FAM107B: variants seen among roughly 807,000 people sequenced by gnomAD.
The protein encoded by FAM107B is protein FAM107B.
A neutral mutation model predicts 31.5 loss-of-function variants in FAM107B; 21 were observed. The observed-to-expected ratio is 0.67, with a 90% confidence interval of 0.47 to 0.96. The LOEUF is 0.96. Among genes scored for constraint, FAM107B ranks in the 40% least tolerant of loss-of-function variants. FAM107B has a pLI of 0.00. For synonymous variants in FAM107B, 157 were observed against 141.5 expected (o/e 1.11, Z -0.78); for missense variants, 452 against 377.1 (o/e 1.20, Z -1.64).
rs1204556920 is a variant in FAM107B at position 14,629,491 on chromosome 10, AATATATATATATTTAATAT to A, written c.469+38124_469+38142del. Among the ~76,000 whole-genome samples, 5 of 104,196 alleles carry A rather than the reference AATATATATATATTTAATAT, an allele frequency of 4.8e-5. 1 individual carries two copies. Among genetic ancestry groups the A allele is most frequent in the African/African-American group, 7.8e-5 (2 of 25,766 alleles). 68.4% of individuals were successfully genotyped at this position (104,196 alleles called of 152,430 possible). A position where few individuals can be genotyped will look rare whatever the true frequency, so the allele number is the denominator to read the frequency against. On this transcript the variant is annotated intron_variant, in intron 2 of 4. Transcript: ENST00000181796. Reference sequence around the variant, plus strand: ...TATTTAATATATATATAACATATATAATATATATATATTTAATATATATATATATATTTTTTTTTGAGAT... The same window carrying A: ...TATTTAATATATATATAACATATATAATATATATATATTTTTTTTTGAGAT...
intron 2 of FAM107B, among the ~76,000 whole-genome samples, chr10:14,562,290 C>G (rs564612485): frequency 9.2e-5 from 14 of 152,322 alleles, no homozygotes; most frequent in African/African-American, 2.6e-4. Context: ...CCATCACAGT[C>G]TACACTTCAA....
intron 2 of FAM107B, among the ~76,000 whole-genome samples, chr10:14,597,103 G>T (rs529732613): frequency 1.3e-5 from 2 of 152,244 alleles, no homozygotes; most frequent in African/African-American, 2.4e-5. Context: ...AAAGAACCCT[G>T]ACCAGTTTTA....
chr10:14,721,195 T>C (rs1166396503), intron 1 of FAM107B, among the ~76,000 whole-genome samples: 1 of 152,244 alleles, frequency 6.6e-6, no homozygotes, highest in African/African-American at 2.4e-5. Flanking sequence ...TATGGCTGCA[T>C]AGTATTCCAT....
chr10:14,698,969 T>C (rs908995968), intron 1 of FAM107B, among the ~76,000 whole-genome samples: 3 of 152,118 alleles, frequency 2.0e-5, no homozygotes, highest in African/African-American at 7.2e-5. Flanking sequence ...GTTCTCCACA[T>C]CTCTTTCAGA....
At chr10:14,655,502 C>T (rs531094335) in intron 2 of FAM107B, among the ~76,000 whole-genome samples, 1 of 152,348 alleles carries the variant, frequency 6.6e-6, no homozygotes, top group Admixed American at 6.5e-5. Context: ...CCACTGCAAC[C>T]TCCGCCTCCC....
chr10:14,611,839 T>TTGCTG, intron 2 of FAM107B, among the ~76,000 whole-genome samples: 1 of 151,968 alleles, frequency 6.6e-6, no homozygotes, highest in Non-Finnish European at 1.5e-5. Flanking sequence ...AAAATATATA[T>TTGCTG]GCATAAATTT....
At chr10:14,617,346 G>C (rs1034297378) in intron 2 of FAM107B, among the ~76,000 whole-genome samples, 2 of 152,146 alleles carry the variant, frequency 1.3e-5, no homozygotes, top group Non-Finnish European at 2.9e-5. Context: ...GAGCAGGGGG[G>C]CCTTACTGGT....
intron 2 of FAM107B, among the ~76,000 whole-genome samples, chr10:14,575,843 C>G (rs1027185007): frequency 6.6e-6 from 1 of 152,152 alleles, no homozygotes; most frequent in African/African-American, 2.4e-5. Context: ...GAGTCAGATC[C>G]AGCAAGGGAT....
intron 2 of FAM107B, among the ~76,000 whole-genome samples, chr10:14,598,287 G>C (rs899533329): frequency 1.3e-5 from 2 of 152,154 alleles, no homozygotes; most frequent in African/African-American, 2.4e-5. Flanking sequence ...TTTTCTTCTA[G>C]GAGTTTTGTG....
chr10:14,758,652 C>T (rs1024136893), intron 1 of FAM107B, among the ~76,000 whole-genome samples: 5 of 152,190 alleles, frequency 3.3e-5, no homozygotes, highest in African/African-American at 1.2e-4. Context: ...GCCGGGCTCC[C>T]CGTCTGGAGC....
At chr10:14,681,281 A>C (rs950466228) in intron 1 of FAM107B, among the ~76,000 whole-genome samples, 1 of 152,202 alleles carries the variant, frequency 6.6e-6, no homozygotes, top group Non-Finnish European at 1.5e-5. Context: ...ACTAGTACAC[A>C]CTGAAGTTTG....
chr10:14,616,611 T>C (rs1270400237), intron 2 of FAM107B, among the ~76,000 whole-genome samples: 1 of 152,152 alleles, frequency 6.6e-6, no homozygotes, highest in African/African-American at 2.4e-5. Context: ...AGAACAGCAA[T>C]AATGAAAGGC....
At chr10:14,538,526 T>C (rs1847871265) in intron 2 of FAM107B, among the ~76,000 whole-genome samples, 1 of 152,164 alleles carries the variant, frequency 6.6e-6, no homozygotes, top group Non-Finnish European at 1.5e-5. Context: ...CAACCTTTGA[T>C]GTTAGGTGTC....
chr10:14,708,252 T>A (rs972621110), intron 1 of FAM107B, among the ~76,000 whole-genome samples: 23 of 152,206 alleles, frequency 1.5e-4, no homozygotes, highest in East Asian at 5.8e-4. Context: ...TAATTTTTTT[T>A]TAATTTTTAT....
At chr10:14,540,149 T>C (rs7075309) in intron 2 of FAM107B, among the ~76,000 whole-genome samples, 152,293 of 152,314 alleles carry the variant, frequency 1, 76,136 homozygotes, top group Middle Eastern at 1. Flanking sequence ...AGCTTATTCC[T>C]AGGGCAATGG....
chr10:14,590,652 C>T (rs1851985395), intron 2 of FAM107B, among the ~76,000 whole-genome samples: 1 of 152,094 alleles, frequency 6.6e-6, no homozygotes, highest in Non-Finnish European at 1.5e-5. Flanking sequence ...CCTCTCCAAA[C>T]ACTCTTAACA....
intron 2 of FAM107B, among the ~76,000 whole-genome samples, chr10:14,643,661 C>T (rs1853684031): frequency 1.3e-5 from 2 of 152,114 alleles, no homozygotes; most frequent in African/African-American, 2.4e-5. Flanking sequence ...CTGCCCACCT[C>T]GGCCTCCCAA....
intron 2 of FAM107B, among the ~76,000 whole-genome samples, chr10:14,611,898 A>G (rs1024197386): frequency 6.6e-6 from 1 of 152,152 alleles, no homozygotes; most frequent in African/African-American, 2.4e-5. Flanking sequence ...CAAAATACAT[A>G]TATTTATATA....
rs187862511 is a variant in FAM107B, at chr10:14,576,281, C to A, written c.470-45766G>T. Among the ~76,000 whole-genome samples, 263 of 152,310 alleles carry A rather than the reference C, an allele frequency of 1.7e-3. 1 individual carries two copies. Among genetic ancestry groups the A allele is most frequent in the Middle Eastern group, 3.4e-3 (1 of 294 alleles). On this transcript the variant is annotated intron_variant, in intron 2 of 4. Transcript: ENST00000181796. ...CAGTGGCTCACGCCTGCAATCCCAG[C>A]ACTTTGGGAGGCCGAGGCGGGTGGA...
Sources: gnomAD v4.1 joint callset for allele counts (sites outside exome capture counted in the v4.1 genomes callset) on GRCh38, gnomAD v4.1.1 for gene constraint, MANE v1.5 for transcripts, NCBI Gene and HGNC (gene_info 2026-07-23, HGNC 2026-07-21) for gene names.